The following PBX3 variants were observed in gnomAD, a reference collection of about 807,000 sequenced individuals.
PBX3 encodes pre-B-cell leukemia transcription factor 3.
Under a neutral mutation model 48.5 loss-of-function variants are expected in PBX3, and 14 were observed. The ratio of observed to expected loss-of-function variants is 0.29; its 90% CI spans 0.19 to 0.45. PBX3 has a LOEUF of 0.45. Ranked by LOEUF, PBX3 falls within the 20% of genes least tolerant of loss-of-function variation. The pLI is 1.00. For synonymous variants in PBX3, 210 were observed against 200.3 expected, an observed-to-expected ratio of 1.05 and a Z score of -0.41; for missense variants, 386 against 546.7, an observed-to-expected ratio of 0.71 and a Z score of 2.93.
At chr9:125,754,599 TTAA>T (rs1564638386) in intron 2 of PBX3, among the ~76,000 whole-genome samples, 16 of 145,872 alleles carry the variant, frequency 1.1e-4, no homozygotes, top group Non-Finnish European at 2.3e-4. Context: ...TCAGAACATA[TTAA>T]AAAATAAATT....
chr9:125,833,776 T>C (rs917842978), intron 2 of PBX3, among the ~76,000 whole-genome samples: 14 of 152,232 alleles, frequency 9.2e-5, no homozygotes, highest in African/African-American at 2.2e-4. Context: ...TCTAAAACTT[T>C]TGGCTATTTT....
intron 2 of PBX3, among the ~76,000 whole-genome samples, chr9:125,905,302 T>C (rs1465530188): frequency 6.6e-6 from 1 of 152,002 alleles, no homozygotes; most frequent in Non-Finnish European, 1.5e-5. Flanking sequence ...ATGCCGCCAA[T>C]ATCCATCCTC....
chr9:125,816,928 T>G (rs1838483258), intron 2 of PBX3, among the ~76,000 whole-genome samples: 1 of 152,216 alleles, frequency 6.6e-6, no homozygotes, highest in Admixed American at 6.5e-5. Context: ...TTGGTCCTTT[T>G]TGACTATTTT....
intron 2 of PBX3, among the ~76,000 whole-genome samples, chr9:125,808,550 T>A (rs1838196310): frequency 6.6e-6 from 1 of 151,986 alleles, no homozygotes; most frequent in African/African-American, 2.4e-5. Context: ...TTGGTGGTCT[T>A]AGCGAGGCAA....
chr9:125,807,640 G>T (rs908805843), intron 2 of PBX3, among the ~76,000 whole-genome samples: 2 of 152,008 alleles, frequency 1.3e-5, no homozygotes, highest in South Asian at 2.1e-4. Flanking sequence ...GTAAATTTAT[G>T]TATCAGTACC....
chr9:125,949,580 G>C (rs1027087805), intron 5 of PBX3: 30 of 1,278,832 alleles, frequency 2.3e-5, no homozygotes, highest in Non-Finnish European at 3.0e-5. Context: ...ATTCATTTTT[G>C]ATGAGAATTA....
intron 2 of PBX3, among the ~76,000 whole-genome samples, chr9:125,853,152 T>C (rs1839628662): frequency 6.6e-6 from 1 of 152,158 alleles, no homozygotes; most frequent in South Asian, 2.1e-4. Context: ...AACCATCTTT[T>C]TCCACACCTC....
intron 2 of PBX3, among the ~76,000 whole-genome samples, chr9:125,832,411 G>A (rs1838990679): frequency 1.3e-5 from 2 of 152,184 alleles, no homozygotes; most frequent in Middle Eastern, 3.4e-3. Flanking sequence ...TAGCCAGGAT[G>A]GTCTCGATCT....
At chr9:125,874,626 G>C (rs1840205901) in intron 2 of PBX3, among the ~76,000 whole-genome samples, 1 of 152,160 alleles carries the variant, frequency 6.6e-6, no homozygotes, top group Non-Finnish European at 1.5e-5. Context: ...TTCTTTTGAA[G>C]TGCACGTGGA....
intron 2 of PBX3, among the ~76,000 whole-genome samples, chr9:125,771,028 C>T (rs185510119): frequency 3.3e-5 from 5 of 152,192 alleles, no homozygotes; most frequent in African/African-American, 7.2e-5. Flanking sequence ...TAGTCTAGGC[C>T]TTTTCTCATT....
At chr9:125,821,286 A>G (rs1838646227) in intron 2 of PBX3, among the ~76,000 whole-genome samples, 1 of 152,148 alleles carries the variant, frequency 6.6e-6, no homozygotes, top group Non-Finnish European at 1.5e-5. Context: ...TCAGTTCTTC[A>G]TACAACCACA....
intron 2 of PBX3, among the ~76,000 whole-genome samples, chr9:125,854,620 A>G (rs1288841795): frequency 1.3e-5 from 2 of 152,188 alleles, no homozygotes; most frequent in African/African-American, 4.8e-5. Flanking sequence ...TGTTTCATTC[A>G]TCTTACTCAG....
chr9:125,947,520 A>G (rs1302108712), intron 5 of PBX3, among the ~76,000 whole-genome samples: 1 of 152,182 alleles, frequency 6.6e-6, no homozygotes, highest in Non-Finnish European at 1.5e-5. Context: ...TAAAGCATAT[A>G]TAGCTTTCAA....
chr9:125,955,645 T>C (rs1027624621), intron 5 of PBX3, among the ~76,000 whole-genome samples: 8 of 152,166 alleles, frequency 5.3e-5, no homozygotes, highest in Non-Finnish European at 1.2e-4. Context: ...CACTATGGAA[T>C]TGAATTGGAT....
chr9:125,836,444 C>CA (rs111323014), intron 2 of PBX3, among the ~76,000 whole-genome samples: 95 of 142,144 alleles, frequency 6.7e-4, no homozygotes, highest in African/African-American at 1.7e-3. Context: ...GACTCTGTCT[C>CA]AAAAAAAAAA....
chr9:125,886,872 TAA>T (rs1386187108), intron 2 of PBX3, among the ~76,000 whole-genome samples: 1 of 152,182 alleles, frequency 6.6e-6, no homozygotes, highest in African/African-American at 2.4e-5. Context: ...TTGAAGATTT[TAA>T]AGAGACATTA....
rs140404392 is a variant in PBX3 at position 125,872,627 on chromosome 9, G to C, written c.275-43059G>C. On this transcript the variant is annotated intron_variant, in intron 2 of 8. Coordinates refer to ENST00000373489, the MANE Select transcript of PBX3 (RefSeq NM_006195.6). Reference sequence around the variant, plus strand: ...ATTTTAAAAATAGCCAGATGTGGTGGCACACACCTGTACTCCTAGCTACTC... The same window carrying C: ...ATTTTAAAAATAGCCAGATGTGGTGCCACACACCTGTACTCCTAGCTACTC... 4.5e-3 allele frequency among the ~76,000 whole-genome samples: 691 copies of C among 151,986 alleles called. 8 individuals carry two copies. The highest frequency in any genetic ancestry group is 0.016 in the African/African-American group (652 of 41,420).
At chr9:125,831,022 C>T (rs955624889) in intron 2 of PBX3, among the ~76,000 whole-genome samples, 1 of 152,118 alleles carries the variant, frequency 6.6e-6, no homozygotes, top group Non-Finnish European at 1.5e-5. Flanking sequence ...CTTCCTCCTG[C>T]CCCCCACCTG....
intron 2 of PBX3, among the ~76,000 whole-genome samples, chr9:125,800,160 T>C (rs1001510850): frequency 6.6e-6 from 1 of 152,210 alleles, no homozygotes; most frequent in Non-Finnish European, 1.5e-5. Flanking sequence ...TGGTGCTTAC[T>C]GATCTGATAG....
Sources: gnomAD v4.1 joint callset for allele counts (sites outside exome capture counted in the v4.1 genomes callset) on GRCh38, gnomAD v4.1.1 for gene constraint, MANE v1.5 for transcripts, NCBI Gene and HGNC (gene_info 2026-07-23, HGNC 2026-07-21) for gene names.